ANKRD24: variants seen among roughly 807,000 people sequenced by gnomAD.
ANKRD24 encodes ankyrin repeat domain 24, also known as ankyrin repeat domain-containing protein 24.
A neutral mutation model predicts 127.8 loss-of-function variants in ANKRD24; 109 were observed. The observed-to-expected ratio is 0.85, with a 90% CI of 0.73 to 1.00. The LOEUF (loss-of-function observed/expected upper bound fraction) is 1.00, where lower values mean the gene tolerates loss of function less well. ANKRD24 is among the 50% of genes least tolerant of loss of function. The probability of loss-of-function intolerance (pLI) is 0.00; values close to 1 mark genes in which losing one functional copy is unlikely to be tolerated. For synonymous variants in ANKRD24, 743 were observed against 671.1 expected (o/e 1.11, Z -1.66); for missense variants, 1,648 against 1,570.2 (o/e 1.05, Z -0.84).
At position 4,224,162 on chromosome 19, in the gene ANKRD24, G is replaced by A. The variant is rs758332315; in HGVS notation, c.3333G>A (p.Leu1111=). ...AARDHSSVVA[L]YRSHLLYAIQ... ...GGGACCACTCCAGCGTGGTGGCTTT[G>A]TACAGAAGCCACCTCCTATATGCCA... is the stretch of plus-strand genomic sequence containing the variant. Residue 1111 remains leucine, a synonymous_variant, in exon 21 of 22, where the codon TTG becomes TTA. Coordinates refer to ENST00000318934, the MANE Select transcript of ANKRD24 (RefSeq NM_001393985.1). The A allele has an allele frequency of 5.6e-6, 9 of 1,612,500 alleles. No homozygotes were observed. Among genetic ancestry groups the A allele is most frequent in the South Asian group, 2.2e-5 (2 of 90,832 alleles).
chr19:4,203,935 G>A (rs1444237148), intron 7 of ANKRD24, among the ~76,000 whole-genome samples: 1 of 147,482 alleles, frequency 6.8e-6, no homozygotes, highest in Non-Finnish European at 1.5e-5. Context: ...ACAGGCGTGA[G>A]CCACCGTGCC....
intron 7 of ANKRD24, among the ~76,000 whole-genome samples, chr19:4,203,477 G>A (rs1452481689): frequency 1.3e-5 from 2 of 152,122 alleles, no homozygotes; most frequent in Admixed American, 6.6e-5. Flanking sequence ...CTCCCAAGTA[G>A]CTGGGACCAC....
At position 4,216,707 on chromosome 19, in the gene ANKRD24, G is replaced by A. The variant is rs768204926; in HGVS notation, c.1547G>A (p.Arg516Gln). 8.9e-6 allele frequency: 14 copies of A among 1,580,618 alleles called. No homozygotes were observed. The East Asian group carries it at 9.3e-5, about 10-fold the overall frequency. Reference sequence around the variant, plus strand: ...CAGGCCCTGAGGCAGCAGGAGACACGAGAGGTCCCCAGAGAAGAGGGGGCA... The same window carrying A: ...CAGGCCCTGAGGCAGCAGGAGACACAAGAGGTCCCCAGAGAAGAGGGGGCA... ...ALQALRQQET[R>Q]EVPREEGAAC... The change falls in exon 18 of 22, where the codon CGA (arginine) becomes CAA (glutamine). Residue 516 changes from arginine (R) to glutamine (Q), a missense_variant. Transcript: ENST00000318934.
intron 20 of ANKRD24, among the ~76,000 whole-genome samples, chr19:4,223,399 ATATTT>A (rs1424114333): frequency 0.032 from 1,772 of 55,644 alleles, 20 homozygotes; most frequent in East Asian, 0.18. Context: ...ATATATATAT[ATATTT>A]TTTTTTTTTT....
rs529328360 is a variant in ANKRD24, at chr19:4,199,864, G to T, written c.124-11G>T. ...AACACTGCCCCACGCACTTCTGGGC[G>T]TGCCCTGCAGAGTCAAGACTGGGGC... On this transcript the variant is annotated splice_polypyrimidine_tract_variant and intron_variant, in intron 3 of 21. Transcript: ENST00000318934. The surrounding 1 kb of genome is among the most constrained non-coding windows in gnomAD (Gnocchi z 5.2). 6.4e-7 allele frequency: 1 copy of T among 1,564,334 alleles called. No homozygotes were observed. The highest frequency in any genetic ancestry group is 1.2e-5 in the South Asian group (1 of 84,932).
intron 15 of ANKRD24, among the ~76,000 whole-genome samples, chr19:4,214,037 A>C (rs941755087): frequency 6.6e-6 from 1 of 152,180 alleles, no homozygotes; most frequent in Admixed American, 6.5e-5. Flanking sequence ...ACCCACAAAC[A>C]CACAGTTTAC....
Position 4,216,857 on chromosome 19 carries a change from C to A in ANKRD24, c.1697C>A (p.Ala566Asp). The A allele has an allele frequency of 1.2e-6, 2 of 1,610,930 alleles. No individual in the cohort carries two copies. Among genetic ancestry groups the A allele is most frequent in the South Asian group, 2.2e-5 (2 of 90,430 alleles). ...GGAGCCGAGACCATAGATGAGGAGG[C>A]TGCAGGAGATGAAACCATGGAAGCC... ...VNGAETIDEEAAGDETMEART... is the reference protein window; with the variant it reads ...VNGAETIDEEDAGDETMEART... Residue 566 changes from alanine to aspartate, a missense_variant, in exon 18 of 22, where the codon GCT becomes GAT. Transcript: ENST00000318934.
chr19:4,216,351 A>C lies in ANKRD24; in HGVS notation c.1338A>C (p.Glu446Asp). 6.4e-7 allele frequency: 1 copy of C among 1,573,922 alleles called. No homozygotes were observed. The highest frequency in any genetic ancestry group is 8.6e-7 in the Non-Finnish European group (1 of 1,159,946). Residue 446 changes from glutamate to aspartate, a missense_variant, in exon 17 of 22, where the codon GAA (glutamate) becomes GAC (aspartate). Physicochemically the swap from Glu to Asp is conservative, Grantham distance 45. Coordinates refer to ENST00000318934, the MANE Select transcript of ANKRD24 (RefSeq NM_001393985.1). ...AGGAACACCTGGCCTCGCTGCAGGA[A>C]CAGGTGGCTGTGCTCACCAGACAGA... Reference protein sequence around the residue: ...SAQEHLASLQEQVAVLTRQNQ... With the variant: ...SAQEHLASLQDQVAVLTRQNQ...
intron 18 of ANKRD24, among the ~76,000 whole-genome samples, chr19:4,218,697 C>T (rs986357330): frequency 2.0e-5 from 3 of 151,416 alleles, no homozygotes; most frequent in Non-Finnish European, 4.4e-5. Context: ...TCCTTCCTCT[C>T]TCTTTCCTTT....
chr19:4,197,848 A>C (rs1247083305), intron 2 of ANKRD24, among the ~76,000 whole-genome samples: 2 of 152,220 alleles, frequency 1.3e-5, no homozygotes, highest in African/African-American at 2.4e-5. Context: ...TGAGCGAATA[A>C]ACAAATGAGT....
intron 2 of ANKRD24, among the ~76,000 whole-genome samples, chr19:4,193,795 C>T (rs1968520413): frequency 1.7e-5 from 2 of 119,416 alleles, no homozygotes; most frequent in South Asian, 5.8e-4. Context: ...AGAGATCATG[C>T]CACTGTACTC....
intron 7 of ANKRD24, among the ~76,000 whole-genome samples, chr19:4,203,957 C>CT (rs34885254): frequency 0.42 from 26,740 of 62,974 alleles, 6,846 homozygotes; most frequent in East Asian, 0.56. Flanking sequence ...GCCCTTCTCC[C>CT]TTTTTTTTTT....
At chr19:4,216,076 C>T (rs1213853873) in intron 16 of ANKRD24, 26 bp downstream of exon 16, 1 of 1,570,780 alleles carries the variant, frequency 6.4e-7, no homozygotes, top group East Asian at 2.4e-5. Flanking sequence ...CCCACGCACT[C>T]CCAGCCGCCT....
intron 15 of ANKRD24, among the ~76,000 whole-genome samples, chr19:4,213,456 CTTT>C (rs769606619): frequency 8.4e-6 from 1 of 118,656 alleles, no homozygotes. Context: ...ATCCTTCCTT[CTTT>C]TTTTTTTTTT....
chr19:4,200,318 GA>G, intron 5 of ANKRD24, 147 bp downstream of exon 5: 1 of 898,602 alleles, frequency 1.1e-6, no homozygotes, highest in Non-Finnish European at 1.7e-6. Context: ...TGCCCCCAGG[GA>G]GACACACAGG....
chr19:4,211,652 C>T (rs1969747451), intron 13 of ANKRD24, among the ~76,000 whole-genome samples: 1 of 151,602 alleles, frequency 6.6e-6, no homozygotes. Flanking sequence ...TCAACAACAA[C>T]AACCACAACA....
At position 4,195,611 on chromosome 19, in the gene ANKRD24, A is replaced by G. The variant is rs536832460; in HGVS notation, c.37-4072A>G. ...TCCCTCCTCTTGTCCAAACATGTCTAAGAGGGCCGGGCGCAGTGGCTCACG... is the reference window on the plus strand; with the variant it reads ...TCCCTCCTCTTGTCCAAACATGTCTGAGAGGGCCGGGCGCAGTGGCTCACG... On this transcript the variant is annotated intron_variant, in intron 2 of 21. Coordinates refer to ENST00000318934, the MANE Select transcript of ANKRD24 (RefSeq NM_001393985.1). This position sits in a 1 kb window ranked among gnomAD's most constrained non-coding sequence, Gnocchi z 4.2. 6.6e-6 allele frequency among the ~76,000 whole-genome samples: 1 copy of G among 152,228 alleles called. No homozygotes were observed. Among genetic ancestry groups the G allele is most frequent in the East Asian group, 1.9e-4 (1 of 5,154 alleles).
chr19:4,208,893 T>C, intron 11 of ANKRD24, 92 bp downstream of exon 11: 1 of 1,401,404 alleles, frequency 7.1e-7, no homozygotes. Context: ...AGAAGGAAGT[T>C]AGACCTGGGA....
At chr19:4,223,912 C>T (rs1018722664) in intron 20 of ANKRD24, among the ~76,000 whole-genome samples, 1 of 152,016 alleles carries the variant, frequency 6.6e-6, no homozygotes, top group African/African-American at 2.4e-5. Flanking sequence ...TTGGTCCAGG[C>T]TGGTCTTGAA....
Sources: allele counts gnomAD v4.1 joint callset (sites outside exome capture counted in the v4.1 genomes callset), GRCh38; gene constraint gnomAD v4.1.1; non-coding constraint Gnocchi (gnomAD v3.1); transcripts MANE v1.5; gene names NCBI Gene and HGNC (gene_info 2026-07-23, HGNC 2026-07-21).